Variants in BCL2 observed in about 807,000 individuals in gnomAD.
BCL2 encodes the protein BCL2 apoptosis regulator.
In BCL2, 1 loss-of-function variant was observed where a neutral mutation model predicts 14.2. The ratio of observed to expected loss-of-function variants is 0.07; its 90% confidence interval spans 0.02 to 0.33. The LOEUF is 0.33. BCL2 is among the 10% of genes least tolerant of loss of function. The pLI is 0.99. For missense variants in BCL2, 247 were observed against 305.9 expected (o/e 0.81, Z 1.44); for synonymous variants, 151 against 137.2 (o/e 1.10, Z -0.70).
chr18:63,235,234 C>A (rs1271169058), intron 2 of BCL2, among the ~76,000 whole-genome samples: 2 of 152,190 alleles, frequency 1.3e-5, no homozygotes, highest in African/African-American at 2.4e-5. Flanking sequence ...AAGGGGCTTG[C>A]ACTTTGGAGA....
chr18:63,156,144 G>A (rs914419300), intron 2 of BCL2, among the ~76,000 whole-genome samples: 4 of 151,506 alleles, frequency 2.6e-5, no homozygotes, highest in Non-Finnish European at 5.9e-5. Flanking sequence ...AGGGGAGGGG[G>A]GTGTTCAAAG....
intron 2 of BCL2, among the ~76,000 whole-genome samples, chr18:63,216,033 T>C (rs942029553): frequency 1.3e-5 from 2 of 152,092 alleles, no homozygotes; most frequent in Non-Finnish European, 2.9e-5. Flanking sequence ...AGAACCTGAC[T>C]AGGAGGGTTC....
Position 63,149,893 on chromosome 18 carries a change from T to TTTA in BCL2, c.586-21135_586-21134insTAA. Among the ~76,000 whole-genome samples the TTTA allele has an allele frequency of 6.8e-6, 1 of 147,892 alleles. No homozygotes were observed. The highest frequency in any genetic ancestry group is 6.8e-5 in the Admixed American group (1 of 14,618). On this transcript the variant is annotated intron_variant, in intron 2 of 2. Transcript: ENST00000333681. This position sits in a 1 kb window ranked among gnomAD's most constrained non-coding sequence, Gnocchi z 4.2. ...TATTTATTTATTTATTTATTTATTT[T>TTTA]GAGACAGCGTCTCCCTCTGTCAGTT... is the stretch of plus-strand genomic sequence containing the variant.
intron 2 of BCL2, among the ~76,000 whole-genome samples, chr18:63,313,619 T>C (rs1427631879): frequency 1.3e-5 from 2 of 152,230 alleles, no homozygotes; most frequent in East Asian, 1.9e-4. Flanking sequence ...TCTGCTGAGA[T>C]ACTGCTTTGC....
intron 2 of BCL2, among the ~76,000 whole-genome samples, chr18:63,228,622 C>G (rs935209132): frequency 6.6e-6 from 1 of 152,016 alleles, no homozygotes; most frequent in African/African-American, 2.4e-5. Context: ...TCCTTAAAAA[C>G]AATAAATGTT....
rs559400853 is a variant in BCL2 at position 63,167,839 on chromosome 18, T to C, written c.586-39080A>G. ...TACTCAGGAGGCTGAGGTAGGAGAA[T>C]CATTTAAACCCGGGAGGCAGAGGTT... is the stretch of plus-strand genomic sequence containing the variant. On this transcript the variant is annotated intron_variant, in intron 2 of 2. Transcript: ENST00000333681. Among the ~76,000 whole-genome samples the C allele has an allele frequency of 2.4e-4, 36 of 151,232 alleles. No individual in the cohort carries two copies. The South Asian group carries it at 7.5e-3, about 32-fold the overall frequency.
intron 2 of BCL2, among the ~76,000 whole-genome samples, chr18:63,233,060 G>A (rs945456816): frequency 2.6e-5 from 4 of 152,144 alleles, no homozygotes; most frequent in Admixed American, 1.3e-4. Flanking sequence ...GTTCATAGAG[G>A]ACCTTCCCAC....
intron 2 of BCL2, among the ~76,000 whole-genome samples, chr18:63,198,421 GACACACACAGACACACACTGAC>G (rs1331499995): frequency 9.9e-6 from 1 of 101,322 alleles, no homozygotes; most frequent in East Asian, 2.9e-4. Context: ...TAGACACAGA[GACACACACAGACACACACTGAC>G]ACACAGACAC....
chr18:63,136,526 C>T (rs1461398318), intron 2 of BCL2, among the ~76,000 whole-genome samples: 1 of 152,138 alleles, frequency 6.6e-6, no homozygotes, highest in Non-Finnish European at 1.5e-5. Context: ...GATTTGAGTG[C>T]AAGTGGTTTA....
At position 63,241,829 on chromosome 18, in the gene BCL2, C is replaced by T. The variant is rs140720554; in HGVS notation, c.585+76253G>A. Among the ~76,000 whole-genome samples the T allele has an allele frequency of 1.3e-3, 202 of 152,332 alleles. 1 individual carries two copies. Among genetic ancestry groups the T allele is most frequent in the African/African-American group, 4.4e-3 (185 of 41,574 alleles). On this transcript the variant is annotated intron_variant, in intron 2 of 2. Transcript: ENST00000333681. ...TTTGAGAGTGCCTCACCCGTCATTA[C>T]TCTTGTCTCGCTATCAGGTCACCTT...
rs1913923850 is a variant in BCL2, at chr18:63,126,892, A to G, written c.*1733T>C. Reference sequence around the variant, plus strand: ...TACATTCCAAAGTTAATACAGATAAATGGTATATAATGCAATAATGCCACA... The same window carrying G: ...TACATTCCAAAGTTAATACAGATAAGTGGTATATAATGCAATAATGCCACA... On this transcript the variant is annotated 3_prime_UTR_variant, in exon 3 of 3. Coordinates refer to ENST00000333681, the MANE Select transcript of BCL2 (RefSeq NM_000633.3). The G allele has an allele frequency of 4.4e-6, 1 of 227,830 alleles. No homozygotes were observed. The highest frequency in any genetic ancestry group is 8.7e-6 in the Non-Finnish European group (1 of 114,508). 14.1% of individuals were successfully genotyped at this position (227,830 alleles called of 1,614,324 possible). A position where few individuals can be genotyped will look rare whatever the true frequency, so the allele number is the denominator to read the frequency against.
chr18:63,154,480 C>T (rs898228097), intron 2 of BCL2, among the ~76,000 whole-genome samples: 6 of 152,280 alleles, frequency 3.9e-5, no homozygotes, highest in East Asian at 1.9e-4. Flanking sequence ...CCCTGACCCA[C>T]GCTTCCAGAC....
At chr18:63,193,578 ATGTATGTGTGTGTG>A (rs1909349739) in intron 2 of BCL2, among the ~76,000 whole-genome samples, 1 of 132,948 alleles carries the variant, frequency 7.5e-6, no homozygotes, top group Non-Finnish European at 1.6e-5. Context: ...GCGGAGTAGT[ATGTATGTGTGTGTG>A]TGTGTGTGTG....
rs1244642808 is a variant in BCL2, at chr18:63,292,168, A to T, written c.585+25914T>A. On this transcript the variant is annotated intron_variant, in intron 2 of 2. Coordinates refer to ENST00000333681, the MANE Select transcript of BCL2 (RefSeq NM_000633.3). ...CCTACAAAATAGTTCACTGGTTTTCAGAAAAATACTGGAAGGATTCATCAC... is the reference window on the plus strand; with the variant it reads ...CCTACAAAATAGTTCACTGGTTTTCTGAAAAATACTGGAAGGATTCATCAC... 2.6e-5 allele frequency among the ~76,000 whole-genome samples: 4 copies of T among 151,654 alleles called. No individual in the cohort carries two copies. The East Asian group carries it at 7.7e-4, about 29-fold the overall frequency.
chr18:63,137,245 T>C (rs1423040637), intron 2 of BCL2, among the ~76,000 whole-genome samples: 1 of 152,232 alleles, frequency 6.6e-6, no homozygotes, highest in Admixed American at 6.5e-5. Flanking sequence ...TTTCTCCAAA[T>C]CCCTAGGTTG....
chr18:63,189,403 G>A (rs993046125), intron 2 of BCL2, among the ~76,000 whole-genome samples: 4 of 152,038 alleles, frequency 2.6e-5, no homozygotes, highest in Non-Finnish European at 4.4e-5. Context: ...CATAAACAAC[G>A]CTGGAGGTCA....
intron 2 of BCL2, among the ~76,000 whole-genome samples, chr18:63,258,280 C>A (rs1480204138): frequency 6.6e-6 from 1 of 152,198 alleles, no homozygotes; most frequent in African/African-American, 2.4e-5. Flanking sequence ...TTTTAAGCCA[C>A]CCAGTTTACG....
chr18:63,164,851 C>T (rs948126051), intron 2 of BCL2, among the ~76,000 whole-genome samples: 2 of 152,168 alleles, frequency 1.3e-5, no homozygotes, highest in Non-Finnish European at 2.9e-5. Context: ...GATAGATTTT[C>T]AAGAGAGACT....
At chr18:63,211,769 C>T (rs141345107) in intron 2 of BCL2, among the ~76,000 whole-genome samples, 142 of 152,328 alleles carry the variant, frequency 9.3e-4, no homozygotes, top group African/African-American at 3.1e-3. Context: ...AGCTGTGTCT[C>T]ACCACAGCTA....
Sources: gnomAD v4.1 joint callset for allele counts (sites outside exome capture counted in the v4.1 genomes callset) on GRCh38, gnomAD v4.1.1 for gene constraint, Gnocchi (gnomAD v3.1) non-coding constraint, MANE v1.5 for transcripts, NCBI Gene and HGNC (gene_info 2026-07-23, HGNC 2026-07-21) for gene names.